Variants in ZRSR2 observed in about 807,000 individuals in gnomAD.
ZRSR2 encodes the protein U2 small nuclear ribonucleoprotein auxiliary factor 35 kDa subunit-related protein 2.
In ZRSR2, 3 loss-of-function variants were observed where a neutral mutation model predicts 39.4. That is an observed-to-expected ratio of 0.08 (90% CI 0.03 to 0.20). The LOEUF is 0.20. Among genes scored for constraint, ZRSR2 ranks in the 10% least tolerant of loss-of-function variants. ZRSR2 has a pLI of 1.00. For missense variants in ZRSR2, 256 were observed against 391.5 expected (o/e 0.65, Z 2.92); for synonymous variants, 137 against 136.0 (o/e 1.01, Z -0.05).
At chrX:15,805,758 C>T (rs1020066777) in intron 5 of ZRSR2, among the ~76,000 whole-genome samples, 2 of 109,444 alleles carry the variant, frequency 1.8e-5, no homozygotes, top group East Asian at 2.9e-4. Flanking sequence ...GGTGAAACCC[C>T]GTCTGTACTA....
At position 15,819,434 on chromosome X, in the gene ZRSR2, G is replaced by A. The variant is rs551368227; in HGVS notation, c.828-773G>A. Among the ~76,000 whole-genome samples the A allele has an allele frequency of 8.2e-5, 9 of 110,270 alleles. No individual in the cohort carries two copies. In the South Asian group the frequency reaches 1.9e-3, roughly 24 times the overall value. On this transcript the variant is annotated intron_variant, in intron 9 of 10. Coordinates refer to ENST00000307771, the MANE Select transcript of ZRSR2 (RefSeq NM_005089.4). ...CTACAAAAAAATTTAAAAATTGGCC[G>A]AATGTGGTGGCATGTGCTGGTAGTC... is the stretch of plus-strand genomic sequence containing the variant.
At chrX:15,811,005 A>G (rs1221882962) in intron 7 of ZRSR2, among the ~76,000 whole-genome samples, 1 of 109,939 alleles carries the variant, frequency 9.1e-6, no homozygotes, top group Non-Finnish European at 1.9e-5. Context: ...ATTGAGAGCC[A>G]CTAATGTCAA....
Position 15,823,061 on chromosome X carries a change from G to A in ZRSR2, c.1268G>A (p.Arg423Lys), listed in dbSNP as rs1244817456. The A allele has an allele frequency of 1.7e-6, 2 of 1,211,832 alleles. No individual in the cohort carries two copies. Among genetic ancestry groups the A allele is most frequent in the South Asian group, 1.8e-5 (1 of 56,966 alleles). Residue 423 changes from arginine (R) to lysine (K), a missense_variant, in exon 11 of 11, where the codon AGA becomes AAA. By Grantham distance (26) the Arg-to-Lys change is conservative. Coordinates refer to ENST00000307771, the MANE Select transcript of ZRSR2 (RefSeq NM_005089.4). ...KSRERHNSRS[R>K]GRNRDRSRDR... Reference sequence around the variant, plus strand: ...CGGGAGAGGCACAATTCACGAAGCAGAGGAAGAAATAGGGACCGCAGCAGG... The same window carrying A: ...CGGGAGAGGCACAATTCACGAAGCAAAGGAAGAAATAGGGACCGCAGCAGG...
chrX:15,802,440 T>C (rs1191559263), intron 3 of ZRSR2, among the ~76,000 whole-genome samples: 3 of 112,526 alleles, frequency 2.7e-5, no homozygotes, highest in African/African-American at 9.7e-5. Flanking sequence ...AAAAATAGAC[T>C]AGACACTCAC....
chrX:15,791,610 C>T lies in ZRSR2; in HGVS notation c.121+597C>T, dbSNP rs1932278971. On this transcript the variant is annotated intron_variant, in intron 2 of 10. Transcript: ENST00000307771. ...TCAGCCTCCCTAGTAGCTGGGACTA[C>T]AGGCATTCACCACCACACCTGGCTA... is the stretch of plus-strand genomic sequence containing the variant. Among the ~76,000 whole-genome samples the T allele has an allele frequency of 3.7e-5, 4 of 108,275 alleles. No individual in the cohort carries two copies. In the South Asian group the frequency reaches 1.6e-3, roughly 44 times the overall value. The allele number at this position is 108,275 out of a possible 115,157, so 94.0% of individuals were successfully genotyped here. A position where few individuals can be genotyped will look rare whatever the true frequency, so the allele number is the denominator to read the frequency against.
chrX:15,822,368 C>G (rs1933130023), intron 10 of ZRSR2, among the ~76,000 whole-genome samples: 1 of 110,942 alleles, frequency 9.0e-6, no homozygotes, highest in Admixed American at 9.6e-5. Context: ...ACCCAAAGAG[C>G]TGGCTATTTG....
At position 15,803,781 on chromosome X, in the gene ZRSR2, G is replaced by A; in HGVS notation, c.297G>A (p.Arg99=). 2 of 1,191,883 alleles carry A rather than the reference G, an allele frequency of 1.7e-6. No individual in the cohort carries two copies. The highest frequency in any genetic ancestry group is 1.1e-6 in the Non-Finnish European group (1 of 884,897). ...KKEKEEAAKK[R]QEEQERKLKE... ...AAAAGGAAGAGGCGGCTAAAAAACG[G>A]CAAGAAGAACAAGAGGTATGGTAGG... The change falls in exon 4 of 11, where the codon CGG becomes CGA. Residue 99 remains arginine, a synonymous_variant. Coordinates refer to ENST00000307771, the MANE Select transcript of ZRSR2 (RefSeq NM_005089.4).
At chrX:15,807,595 T>C (rs1470737529) in intron 5 of ZRSR2, among the ~76,000 whole-genome samples, 17 of 109,893 alleles carry the variant, frequency 1.5e-4, no homozygotes, top group Non-Finnish European at 5.7e-5. Flanking sequence ...CGGCCTAGCA[T>C]TGTGTTTTAT....
At chrX:15,809,177 A>C (rs1358129340) in intron 6 of ZRSR2, 23 bp from the exon 7 acceptor site, 1 of 1,088,660 alleles carries the variant, frequency 9.2e-7, no homozygotes, top group Non-Finnish European at 1.3e-6. Context: ...CTCCACCAGT[A>C]AAGTCATGGT....
chrX:15,819,538 C>T (rs753067483), intron 9 of ZRSR2, among the ~76,000 whole-genome samples: 20 of 110,524 alleles, frequency 1.8e-4, no homozygotes, highest in African/African-American at 4.9e-4. Flanking sequence ...GACTGTACCA[C>T]GACACTCTAG....
intron 2 of ZRSR2, among the ~76,000 whole-genome samples, chrX:15,799,213 C>G (rs1379828621): frequency 4.6e-5 from 5 of 107,865 alleles, no homozygotes; most frequent in Non-Finnish European, 9.6e-5. Context: ...GTGTCCAGAT[C>G]GCTCCATTGG....
In ZRSR2 at chrX:15,803,801, G is replaced by A. The variant is rs759164795; in HGVS notation, c.312+5G>A. On this transcript the variant is annotated splice_donor_5th_base_variant and intron_variant, in intron 4 of 10. Coordinates refer to ENST00000307771, the MANE Select transcript of ZRSR2 (RefSeq NM_005089.4). ...AAACGGCAAGAAGAACAAGAGGTATGGTAGGAATCACGTAACTAGTGAACA... is the reference window on the plus strand; with the variant it reads ...AAACGGCAAGAAGAACAAGAGGTATAGTAGGAATCACGTAACTAGTGAACA... 8.5e-7 allele frequency: 1 copy of A among 1,182,014 alleles called. No homozygotes were observed. Among genetic ancestry groups the A allele is most frequent in the Admixed American group, 2.4e-5 (1 of 41,554 alleles).
At chrX:15,797,613 T>A (rs1260769597) in intron 2 of ZRSR2, among the ~76,000 whole-genome samples, 1 of 112,004 alleles carries the variant, frequency 8.9e-6, no homozygotes, top group Non-Finnish European at 1.9e-5. Flanking sequence ...TTTTTCTTAA[T>A]TTTTTTCAGT....
At chrX:15,800,515 A>C (rs923557182) in intron 3 of ZRSR2, among the ~76,000 whole-genome samples, 1 of 111,753 alleles carries the variant, frequency 8.9e-6, no homozygotes, top group African/African-American at 3.3e-5. Context: ...CAGAAAAAAA[A>C]CAAAAAAAAT....
chrX:15,810,519 A>G (rs1463765833), intron 7 of ZRSR2, among the ~76,000 whole-genome samples: 2 of 111,940 alleles, frequency 1.8e-5, no homozygotes, highest in Non-Finnish European at 3.8e-5. Flanking sequence ...CTTTATTCAT[A>G]AAAGTATCCA....
chrX:15,810,906 A>C (rs35203315), intron 7 of ZRSR2, among the ~76,000 whole-genome samples: 12,785 of 106,352 alleles, frequency 0.12, 782 homozygotes, highest in Non-Finnish European at 0.19. Context: ...ATTTATATAA[A>C]AATATTATAT....
At chrX:15,795,021 G>A (rs1446429618) in intron 2 of ZRSR2, among the ~76,000 whole-genome samples, 3 of 109,895 alleles carry the variant, frequency 2.7e-5, no homozygotes, top group Non-Finnish European at 5.7e-5. Context: ...CTACTCTGGT[G>A]TGTCTGTTAG....
chrX:15,816,018 TTCTC>T (rs1932968969), intron 8 of ZRSR2, 128 bp downstream of exon 8: 1 of 444,715 alleles, frequency 2.2e-6, no homozygotes, highest in Admixed American at 4.6e-5. Flanking sequence ...ACTTCCCTCT[TTCTC>T]TCTTTCCACC....
Position 15,803,813 on chromosome X carries a change from G to C in ZRSR2, c.312+17G>C, listed in dbSNP as rs778583194. The C allele has an allele frequency of 8.5e-7, 1 of 1,177,386 alleles. No individual in the cohort carries two copies. The highest frequency in any genetic ancestry group is 1.9e-5 in the South Asian group (1 of 53,269). ...GAACAAGAGGTATGGTAGGAATCAC[G>C]TAACTAGTGAACAAACTGATTACTT... On this transcript the variant is annotated intron_variant, in intron 4 of 10. Transcript: ENST00000307771.
Sources: allele counts gnomAD v4.1 joint callset (sites outside exome capture counted in the v4.1 genomes callset), GRCh38; gene constraint gnomAD v4.1.1; transcripts MANE v1.5; gene names NCBI Gene and HGNC (gene_info 2026-07-23, HGNC 2026-07-21).